Variants in SLC39A9 observed in about 807,000 individuals in gnomAD.
SLC39A9 encodes the protein zinc transporter ZIP9.
A neutral mutation model predicts 28.4 loss-of-function variants in SLC39A9; 14 were observed. The observed-to-expected ratio is 0.49, with a 90% CI of 0.33 to 0.77. The LOEUF (loss-of-function observed/expected upper bound fraction) is 0.77. Ranked by LOEUF, SLC39A9 falls within the 30% of genes least tolerant of loss-of-function variation. SLC39A9 has a pLI of 0.02. For synonymous variants in SLC39A9, 119 were observed against 149.6 expected, an observed-to-expected ratio of 0.80 and a Z score of 1.49; for missense variants, 283 against 381.1, an observed-to-expected ratio of 0.74 and a Z score of 2.14.
At chr14:69,412,300 A>G (rs1403049704) in intron 1 of SLC39A9, among the ~76,000 whole-genome samples, 2 of 151,532 alleles carry the variant, frequency 1.3e-5, no homozygotes, top group East Asian at 4.0e-4. Flanking sequence ...GAGGCAGGAG[A>G]ATGGCATGAA....
chr14:69,442,291 G>C (rs770772375), intron 3 of SLC39A9, 25 bp downstream of exon 3: 17 of 1,603,998 alleles, frequency 1.1e-5, no homozygotes, highest in Non-Finnish European at 1.5e-5. Context: ...GGCTTTCTGG[G>C]CAGTGCAATA....
At chr14:69,422,694 C>T (rs1280249610) in intron 1 of SLC39A9, among the ~76,000 whole-genome samples, 1 of 152,310 alleles carries the variant, frequency 6.6e-6, no homozygotes, top group East Asian at 1.9e-4. Flanking sequence ...AAGTGATTCT[C>T]CTGTCTCAGA....
chr14:69,413,482 T>C (rs1425932341), intron 1 of SLC39A9, among the ~76,000 whole-genome samples: 2 of 152,174 alleles, frequency 1.3e-5, no homozygotes, highest in Non-Finnish European at 2.9e-5. Flanking sequence ...GAAAGGACAT[T>C]ATAACCAAAA....
intron 1 of SLC39A9, among the ~76,000 whole-genome samples, chr14:69,416,924 C>T (rs1356234571): frequency 6.6e-6 from 1 of 152,142 alleles, no homozygotes; most frequent in African/African-American, 2.4e-5. Flanking sequence ...TGTAGGTTGC[C>T]TGTTCACTCT....
chr14:69,435,046 A>C (rs1205104782), intron 2 of SLC39A9, among the ~76,000 whole-genome samples: 3 of 152,206 alleles, frequency 2.0e-5, no homozygotes, highest in African/African-American at 7.2e-5. Flanking sequence ...TGCACACTTG[A>C]AAAGAATGTA....
At chr14:69,434,228 C>T (rs1363724251) in intron 2 of SLC39A9, among the ~76,000 whole-genome samples, 2 of 151,426 alleles carry the variant, frequency 1.3e-5, no homozygotes, top group Admixed American at 6.6e-5. Context: ...GGATTACAGG[C>T]GCCCACCACC....
chr14:69,453,238 T>C lies in SLC39A9; in HGVS notation c.404-3T>C, dbSNP rs1398884767. 6.2e-7 allele frequency: 1 copy of C among 1,613,178 alleles called. No individual in the cohort carries two copies. The highest frequency in any genetic ancestry group is 1.7e-5 in the Admixed American group (1 of 59,976). Reference sequence around the variant, plus strand: ...AACGCTGTCTTTCTCATTTTCACTTTAGATCCAGAAGCAGCAAGGTCTAGC... The same window carrying C: ...AACGCTGTCTTTCTCATTTTCACTTCAGATCCAGAAGCAGCAAGGTCTAGC... On this transcript the variant is annotated splice_region_variant and splice_polypyrimidine_tract_variant and intron_variant, in intron 3 of 6. Transcript: ENST00000336643.
chr14:69,430,569 G>A (rs941092824), intron 2 of SLC39A9, among the ~76,000 whole-genome samples: 1 of 150,878 alleles, frequency 6.6e-6, no homozygotes, highest in African/African-American at 2.4e-5. Context: ...TCTTGATGTA[G>A]CTTTATAGCA....
At chr14:69,449,685 G>A (rs559442613) in intron 3 of SLC39A9, among the ~76,000 whole-genome samples, 2 of 152,284 alleles carry the variant, frequency 1.3e-5, no homozygotes, top group Admixed American at 6.5e-5. Flanking sequence ...TGAACCTATA[G>A]TTCAGGGAGT....
intron 1 of SLC39A9, among the ~76,000 whole-genome samples, chr14:69,411,612 T>C (rs922537462): frequency 6.6e-6 from 1 of 152,116 alleles, no homozygotes; most frequent in Admixed American, 6.5e-5. Flanking sequence ...TTTTAGTGAT[T>C]TACCATAAGC....
Position 69,399,228 on chromosome 14 carries a change from A to C in SLC39A9, c.-142A>C, listed in dbSNP as rs753062641. ...CGTTCAAGAGGAAGGTGCCTCGTGA[A>C]CACATCTGCTGGTGGGAAGGCCTAA... On this transcript the variant is annotated 5_prime_UTR_variant, in exon 1 of 7. Coordinates refer to ENST00000336643, the MANE Select transcript of SLC39A9 (RefSeq NM_018375.5). The C allele has an allele frequency of 2.9e-6, 2 of 699,322 alleles. No homozygotes were observed. Among genetic ancestry groups the C allele is most frequent in the East Asian group, 5.6e-5 (2 of 35,788 alleles). 43.3% of individuals were successfully genotyped at this position (699,322 alleles called of 1,614,324 possible).
At chr14:69,422,347 C>T (rs888641996) in intron 1 of SLC39A9, among the ~76,000 whole-genome samples, 1 of 152,164 alleles carries the variant, frequency 6.6e-6, no homozygotes, top group African/African-American at 2.4e-5. Flanking sequence ...CTCACCCTCC[C>T]CATATCTGGG....
At chr14:69,451,712 A>T (rs928423535) in intron 3 of SLC39A9, among the ~76,000 whole-genome samples, 6 of 152,012 alleles carry the variant, frequency 3.9e-5, no homozygotes, top group African/African-American at 1.4e-4. Flanking sequence ...TCAATTTTTT[A>T]AATTTATTTT....
chr14:69,441,955 G>A (rs1566921127), intron 2 of SLC39A9, 114 bp from the exon 3 acceptor site: 1 of 1,447,438 alleles, frequency 6.9e-7, no homozygotes, highest in Non-Finnish European at 9.0e-7. Context: ...TATAAAAAGT[G>A]GATGTCTTTA....
chr14:69,422,046 G>A (rs1237801114), intron 1 of SLC39A9, among the ~76,000 whole-genome samples: 1 of 152,120 alleles, frequency 6.6e-6, no homozygotes, highest in Admixed American at 6.6e-5. Context: ...GATGAACCAG[G>A]TACCTCAGTT....
chr14:69,398,997 C>T lies in SLC39A9; in HGVS notation c.-373C>T, dbSNP rs1882468647. On this transcript the variant is annotated 5_prime_UTR_variant, in exon 1 of 7. Transcript: ENST00000336643. ...CGAACAGGTTCGCTTGAGTCACTTACCCGCCGCCGCCTAAGACATTGTGCC... is the reference window on the plus strand; with the variant it reads ...CGAACAGGTTCGCTTGAGTCACTTATCCGCCGCCGCCTAAGACATTGTGCC... 5.0e-6 allele frequency: 1 copy of T among 200,298 alleles called. No individual in the cohort carries two copies. 12.4% of individuals were successfully genotyped at this position (200,298 alleles called of 1,614,324 possible).
intron 1 of SLC39A9, among the ~76,000 whole-genome samples, chr14:69,400,358 A>G (rs1882564136): frequency 6.6e-6 from 1 of 152,230 alleles, no homozygotes; most frequent in Admixed American, 6.5e-5. Flanking sequence ...GGCACCTTGA[A>G]CAGATGTTAA....
At chr14:69,434,027 C>T (rs1884620479) in intron 2 of SLC39A9, among the ~76,000 whole-genome samples, 2 of 151,886 alleles carry the variant, frequency 1.3e-5, no homozygotes, top group Admixed American at 6.6e-5. Flanking sequence ...TCAAGTAATC[C>T]TCCCACCTCG....
intron 3 of SLC39A9, among the ~76,000 whole-genome samples, chr14:69,452,808 AGG>A (rs1433465761): frequency 6.6e-6 from 1 of 152,230 alleles, no homozygotes; most frequent in African/African-American, 2.4e-5. Context: ...CAGGATGCTA[AGG>A]AAGAGATAGA....
Sources: allele counts gnomAD v4.1 joint callset (sites outside exome capture counted in the v4.1 genomes callset), GRCh38; gene constraint gnomAD v4.1.1; transcripts MANE v1.5; gene names NCBI Gene and HGNC (gene_info 2026-07-23, HGNC 2026-07-21).